The following DPP10 variants were observed in gnomAD, a reference collection of about 807,000 sequenced individuals.
DPP10 encodes dipeptidyl peptidase like 10.
Under a neutral mutation model 120.9 loss-of-function variants are expected in DPP10, and 33 were observed. That is an observed-to-expected ratio of 0.27 (90% CI 0.21 to 0.37). The LOEUF (loss-of-function observed/expected upper bound fraction) is 0.37. DPP10 is among the 10% of genes least tolerant of loss of function. DPP10 has a pLI of 1.00. For missense variants in DPP10, 816 were observed against 942.8 expected (o/e 0.87, Z 1.76); for synonymous variants, 337 against 326.1 (o/e 1.03, Z -0.36).
At chr2:114,619,814 G>A (rs929757559) in intron 1 of DPP10, among the ~76,000 whole-genome samples, 1 of 151,744 alleles carries the variant, frequency 6.6e-6, no homozygotes, top group African/African-American at 2.4e-5. Context: ...AAAGGATCTG[G>A]GTGGAGGGAC....
intron 1 of DPP10, among the ~76,000 whole-genome samples, chr2:115,024,787 G>T (rs1300791470): frequency 1.4e-5 from 2 of 146,146 alleles, no homozygotes; most frequent in African/African-American, 5.1e-5. Context: ...ATATATTTAA[G>T]GTTGTGTGTG....
At chr2:115,692,728 A>G (rs1235100583) in intron 7 of DPP10, among the ~76,000 whole-genome samples, 1 of 152,072 alleles carries the variant, frequency 6.6e-6, no homozygotes, top group African/African-American at 2.4e-5. Flanking sequence ...TCTCATCTAT[A>G]AATAGAAATA....
intron 1 of DPP10, among the ~76,000 whole-genome samples, chr2:114,485,184 C>T (rs192791488): frequency 1.3e-5 from 2 of 152,152 alleles, no homozygotes; most frequent in East Asian, 3.9e-4. Context: ...GCATTGTTGT[C>T]GTTGTCAAAA....
rs371231181 is a variant in DPP10 at position 115,483,651 on chromosome 2, A to G, written c.272-15859A>G. ...CAGGGTCACTAGTTTGAAGAAAACA[A>G]CCACAGCAATAAAAAATGTACTCTC... On this transcript the variant is annotated intron_variant, in intron 3 of 25. Transcript: ENST00000410059. 1.1e-4 allele frequency among the ~76,000 whole-genome samples: 16 copies of G among 152,230 alleles called. No homozygotes were observed. The East Asian group carries it at 2.5e-3, about 24-fold the overall frequency.
At chr2:115,399,337 CAATAAT>C (rs772174095) in intron 3 of DPP10, among the ~76,000 whole-genome samples, 3 of 152,112 alleles carry the variant, frequency 2.0e-5, no homozygotes, top group Admixed American at 1.3e-4. Context: ...CAACAACACA[CAATAAT>C]AATAGTATAA....
chr2:114,613,603 C>T (rs953647111), intron 1 of DPP10, among the ~76,000 whole-genome samples: 9 of 152,060 alleles, frequency 5.9e-5, no homozygotes, highest in African/African-American at 2.2e-4. Context: ...CCCAGCAATC[C>T]CTTTACTGGG....
chr2:114,893,897 AC>A (rs1288126774), intron 1 of DPP10, among the ~76,000 whole-genome samples: 1 of 152,158 alleles, frequency 6.6e-6, no homozygotes, highest in African/African-American at 2.4e-5. Flanking sequence ...GCTAGAATTA[AC>A]TGTGGTCCTA....
At chr2:114,807,966 T>C (rs2106310365) in intron 1 of DPP10, among the ~76,000 whole-genome samples, 1 of 152,330 alleles carries the variant, frequency 6.6e-6, no homozygotes, top group South Asian at 2.1e-4. Context: ...TGCCTGCAAG[T>C]GTCTATTAAC....
At chr2:115,785,198 G>A (rs1436923772) in intron 17 of DPP10, among the ~76,000 whole-genome samples, 1 of 152,156 alleles carries the variant, frequency 6.6e-6, no homozygotes, top group Admixed American at 6.5e-5. Flanking sequence ...TCCACCAGCC[G>A]TGTTCCTATG....
intron 1 of DPP10, among the ~76,000 whole-genome samples, chr2:114,640,089 T>G (rs1695599244): frequency 6.6e-6 from 1 of 151,982 alleles, no homozygotes. Context: ...ACATTTCAGC[T>G]GCTATTTCTA....
At chr2:114,814,252 G>A (rs1685432889) in intron 1 of DPP10, among the ~76,000 whole-genome samples, 1 of 152,138 alleles carries the variant, frequency 6.6e-6, no homozygotes, top group Non-Finnish European at 1.5e-5. Context: ...TCAGAGGATG[G>A]CAGCTAGTTA....
intron 1 of DPP10, among the ~76,000 whole-genome samples, chr2:114,899,191 T>C (rs1335127730): frequency 9.2e-5 from 14 of 151,876 alleles, no homozygotes; most frequent in Admixed American, 6.6e-5. Context: ...TATATAAGAA[T>C]ATAGTATTAT....
intron 3 of DPP10, among the ~76,000 whole-genome samples, chr2:115,452,804 A>AGG (rs2073213709): frequency 6.6e-6 from 1 of 151,882 alleles, no homozygotes; most frequent in Non-Finnish European, 1.5e-5. Context: ...AATAATATAA[A>AGG]ATATAAGTAT....
intron 1 of DPP10, among the ~76,000 whole-genome samples, chr2:114,603,122 T>C (rs1434937036): frequency 2.0e-5 from 3 of 152,058 alleles, no homozygotes; most frequent in Non-Finnish European, 4.4e-5. Flanking sequence ...AAAGTCCCCA[T>C]TGTAAGTATA....
intron 1 of DPP10, among the ~76,000 whole-genome samples, chr2:114,635,567 T>C (rs1695245382): frequency 6.6e-6 from 1 of 151,946 alleles, no homozygotes; most frequent in South Asian, 2.1e-4. Context: ...ATCGTTTTTT[T>C]CTGACATTAG....
intron 1 of DPP10, among the ~76,000 whole-genome samples, chr2:114,516,344 CT>C (rs1404487441): frequency 1.3e-5 from 2 of 152,162 alleles, no homozygotes; most frequent in Non-Finnish European, 2.9e-5. Context: ...TTCATTAAGG[CT>C]TTTTTCCATC....
chr2:114,946,060 T>G (rs1697325213), intron 1 of DPP10, among the ~76,000 whole-genome samples: 1 of 152,152 alleles, frequency 6.6e-6, no homozygotes, highest in Non-Finnish European at 1.5e-5. Flanking sequence ...TCTGAAAAAC[T>G]GTCAGCCAAG....
intron 5 of DPP10, among the ~76,000 whole-genome samples, chr2:115,633,559 A>G (rs1272084255): frequency 6.6e-6 from 1 of 152,150 alleles, no homozygotes; most frequent in Non-Finnish European, 1.5e-5. Context: ...GTACACATGT[A>G]CCCTAGAACT....
At chr2:114,863,399 G>T (rs1430376626) in intron 1 of DPP10, among the ~76,000 whole-genome samples, 2 of 152,158 alleles carry the variant, frequency 1.3e-5, no homozygotes, top group Non-Finnish European at 2.9e-5. Context: ...AGTTGGGTGG[G>T]ACTGGTGAGA....
Sources: allele counts gnomAD v4.1 joint callset (sites outside exome capture counted in the v4.1 genomes callset), GRCh38; gene constraint gnomAD v4.1.1; transcripts MANE v1.5; gene names NCBI Gene and HGNC (gene_info 2026-07-23, HGNC 2026-07-21).